Variants in KCNIP1 observed in about 807,000 individuals in gnomAD.
KCNIP1 encodes the protein A-type potassium channel modulatory protein KCNIP1.
Under a neutral mutation model 33.0 loss-of-function variants are expected in KCNIP1, and 18 were observed. That is an observed-to-expected ratio of 0.55 (90% CI 0.38 to 0.81). The LOEUF (loss-of-function observed/expected upper bound fraction) is 0.81, where lower values mean the gene tolerates loss of function less well. Among genes scored for constraint, KCNIP1 ranks in the 30% least tolerant of loss-of-function variants. The pLI is 0.00. For missense variants in KCNIP1, 238 were observed against 271.6 expected, an observed-to-expected ratio of 0.88 and a Z score of 0.87; for synonymous variants, 93 against 98.3, an observed-to-expected ratio of 0.95 and a Z score of 0.32.
At chr5:170,540,917 T>C (rs1756180437) in intron 1 of KCNIP1, among the ~76,000 whole-genome samples, 1 of 152,204 alleles carries the variant, frequency 6.6e-6, no homozygotes, top group African/African-American at 2.4e-5. Context: ...GGCTGCCCAG[T>C]GTGCCATTTC....
chr5:170,693,492 G>A (rs770608157), intron 1 of KCNIP1, among the ~76,000 whole-genome samples: 5 of 152,264 alleles, frequency 3.3e-5, no homozygotes, highest in Admixed American at 6.5e-5. Flanking sequence ...ACACCAGAAG[G>A]CAGGTGAAGA....
rs1163845933 is a variant in KCNIP1, at chr5:170,732,788, TC to T, written c.436-9del. On this transcript the variant is annotated splice_polypyrimidine_tract_variant and intron_variant, in intron 5 of 7. Transcript: ENST00000328939. Reference sequence around the variant, plus strand: ...GGTTTCCACACTGTGTGCTTTTATGTCCCTGCTCCAGGAGATGATGGACATT... The same window carrying T: ...GGTTTCCACACTGTGTGCTTTTATGTCCTGCTCCAGGAGATGATGGACATT... 1 of 1,572,484 alleles carries T rather than the reference TC, an allele frequency of 6.4e-7. No homozygotes were observed. The highest frequency in any genetic ancestry group is 8.8e-7 in the Non-Finnish European group (1 of 1,142,160).
chr5:170,359,884 G>A (rs778160894), intron 1 of KCNIP1, among the ~76,000 whole-genome samples: 16 of 152,276 alleles, frequency 1.1e-4, no homozygotes, highest in Non-Finnish European at 7.3e-5. Context: ...TGGAGCCTCC[G>A]GGTCTTTCTC....
At position 170,721,947 on chromosome 5, in the gene KCNIP1, A is replaced by C. The variant is rs755699795; in HGVS notation, c.327+44A>C. 2.5e-6 allele frequency: 4 copies of C among 1,607,786 alleles called. No homozygotes were observed. In the African/African-American group the frequency reaches 5.3e-5, roughly 21 times the overall value. On this transcript the variant is annotated intron_variant, in intron 4 of 7. Transcript: ENST00000328939. ...CACTCTAGGGGTCCTCTGGTTCTGC[A>C]TCACCTCCCCCTCTAAATCTCAAGG...
intron 1 of KCNIP1, chr5:170,680,971 C>A (rs571605357): frequency 1.5e-5 from 6 of 398,594 alleles, no homozygotes; most frequent in Admixed American, 8.8e-5. Context: ...GAAAATAAAC[C>A]GTGCACTTTA....
At chr5:170,605,978 T>C (rs1413420778) in intron 1 of KCNIP1, among the ~76,000 whole-genome samples, 1 of 152,180 alleles carries the variant, frequency 6.6e-6, no homozygotes, top group African/African-American at 2.4e-5. Context: ...TTTTGCCATG[T>C]TGGCCAGGCT....
At chr5:170,393,510 C>T (rs1002772776) in intron 1 of KCNIP1, among the ~76,000 whole-genome samples, 2 of 152,170 alleles carry the variant, frequency 1.3e-5, no homozygotes, top group East Asian at 1.9e-4. Flanking sequence ...GACTCAGACA[C>T]GGTCCCTTCA....
chr5:170,650,144 CT>C (rs1007444760), intron 1 of KCNIP1, among the ~76,000 whole-genome samples: 3 of 151,994 alleles, frequency 2.0e-5, no homozygotes, highest in African/African-American at 4.8e-5. Flanking sequence ...ATTCAAATTC[CT>C]TTTTATAAAA....
chr5:170,541,919 G>A (rs981883397), intron 1 of KCNIP1, among the ~76,000 whole-genome samples: 3 of 151,930 alleles, frequency 2.0e-5, no homozygotes, highest in Non-Finnish European at 4.4e-5. Context: ...GATAATGCCT[G>A]GCACATTTTA....
chr5:170,664,470 G>A (rs182503938), intron 1 of KCNIP1, among the ~76,000 whole-genome samples: 37 of 152,120 alleles, frequency 2.4e-4, no homozygotes, highest in African/African-American at 7.5e-4. Context: ...GGTCCCATTC[G>A]TTTCTGTACC....
At chr5:170,600,987 T>C (rs1758669328) in intron 1 of KCNIP1, among the ~76,000 whole-genome samples, 1 of 152,236 alleles carries the variant, frequency 6.6e-6, no homozygotes, top group Non-Finnish European at 1.5e-5. Context: ...ATTCCAGCTC[T>C]CCCACTTACC....
chr5:170,735,318 T>C (rs1000086423), intron 7 of KCNIP1, among the ~76,000 whole-genome samples: 2 of 152,128 alleles, frequency 1.3e-5, no homozygotes, highest in African/African-American at 4.8e-5. Flanking sequence ...AATTCATGGT[T>C]CAGAGAAGAA....
chr5:170,445,743 G>A (rs991596543), intron 1 of KCNIP1, among the ~76,000 whole-genome samples: 2 of 152,094 alleles, frequency 1.3e-5, no homozygotes, highest in African/African-American at 4.8e-5. Context: ...ACTATCCCCC[G>A]CTCCCTTTCC....
chr5:170,571,277 C>A (rs928903174), intron 1 of KCNIP1, among the ~76,000 whole-genome samples: 31 of 152,270 alleles, frequency 2.0e-4, no homozygotes, highest in African/African-American at 6.3e-4. Flanking sequence ...GGTCACTAAC[C>A]CTTTGACCAT....
At chr5:170,609,236 A>G (rs1161943706) in intron 1 of KCNIP1, among the ~76,000 whole-genome samples, 5 of 152,202 alleles carry the variant, frequency 3.3e-5, no homozygotes, top group African/African-American at 4.8e-5. Flanking sequence ...ACAGAGAGCA[A>G]TGACTGTCCT....
intron 1 of KCNIP1, among the ~76,000 whole-genome samples, chr5:170,513,850 C>T (rs141411061): frequency 1.7e-3 from 254 of 152,292 alleles, no homozygotes; most frequent in African/African-American, 6.0e-3. Flanking sequence ...AGTCAAATGC[C>T]TTTTCCAGGG....
intron 1 of KCNIP1, among the ~76,000 whole-genome samples, chr5:170,566,784 A>C (rs1422398512): frequency 6.6e-6 from 1 of 152,244 alleles, no homozygotes. Context: ...AGCACCATGA[A>C]ATTAATGACC....
chr5:170,710,278 T>C (rs564106368), intron 1 of KCNIP1, among the ~76,000 whole-genome samples: 63 of 152,370 alleles, frequency 4.1e-4, no homozygotes, highest in African/African-American at 1.4e-3. Flanking sequence ...TTTAAATTGG[T>C]CTGTTTAATT....
intron 1 of KCNIP1, among the ~76,000 whole-genome samples, chr5:170,694,685 G>C (rs745943159): frequency 6.6e-6 from 1 of 152,184 alleles, no homozygotes; most frequent in Non-Finnish European, 1.5e-5. Flanking sequence ...TCCACAGAGA[G>C]GTTCTTTTTA....
Sources: gnomAD v4.1 joint callset for allele counts (sites outside exome capture counted in the v4.1 genomes callset) on GRCh38, gnomAD v4.1.1 for gene constraint, MANE v1.5 for transcripts, NCBI Gene and HGNC (gene_info 2026-07-23, HGNC 2026-07-21) for gene names.